Variants in STK3 observed in about 807,000 individuals in gnomAD.
The protein encoded by STK3 is serine/threonine-protein kinase 3.
A neutral mutation model predicts 58.0 loss-of-function variants in STK3; 41 were observed. That is an observed-to-expected ratio of 0.71 (90% CI 0.55 to 0.92). STK3 has a LOEUF of 0.92. Ranked by LOEUF, STK3 falls within the 40% of genes least tolerant of loss-of-function variation. The pLI is 0.00. For synonymous variants in STK3, 170 were observed against 191.0 expected (o/e 0.89, Z 0.91); for missense variants, 479 against 602.7 (o/e 0.79, Z 2.15).
chr8:98,905,627 T>A, intron 1 of STK3: 1 of 877,934 alleles, frequency 1.1e-6, no homozygotes, highest in Non-Finnish European at 1.9e-6. Context: ...GATCTCCTGC[T>A]CTGTGGCCTC....
chr8:98,695,924 G>A (rs1028663720), intron 6 of STK3, among the ~76,000 whole-genome samples: 2 of 152,026 alleles, frequency 1.3e-5, no homozygotes, highest in African/African-American at 4.8e-5. Context: ...GCTTGATGGG[G>A]ATGGCATTGA....
At chr8:98,887,105 A>T (rs1838019766) in intron 1 of STK3, among the ~76,000 whole-genome samples, 1 of 152,130 alleles carries the variant, frequency 6.6e-6, no homozygotes, top group South Asian at 2.1e-4. Context: ...TCAAAAAAAG[A>T]AAAAAAGAAA....
chr8:98,510,743 T>C (rs1040277972), intron 10 of STK3, among the ~76,000 whole-genome samples: 6 of 152,132 alleles, frequency 3.9e-5, no homozygotes, highest in Admixed American at 3.9e-4. Context: ...TGCTTCAATT[T>C]TGCAAGCATT....
At chr8:98,421,676 T>G (rs1315919129) in intron 3 of STK3, among the ~76,000 whole-genome samples, 1 of 152,024 alleles carries the variant, frequency 6.6e-6, no homozygotes, top group East Asian at 1.9e-4. Context: ...CTCAGGAGGC[T>G]GAGGTGGGAG....
At chr8:98,423,980 A>G (rs1199819516) in intron 3 of STK3, among the ~76,000 whole-genome samples, 6 of 152,178 alleles carry the variant, frequency 3.9e-5, no homozygotes, top group Non-Finnish European at 8.8e-5. Flanking sequence ...GCCAGCCCAG[A>G]GGCAGGCCTC....
At chr8:98,612,909 A>T (rs1817315200) in intron 6 of STK3, among the ~76,000 whole-genome samples, 1 of 152,204 alleles carries the variant, frequency 6.6e-6, no homozygotes, top group Non-Finnish European at 1.5e-5. Context: ...GTAAAAGGAC[A>T]GCCCCCCCTA....
intron 8 of STK3, among the ~76,000 whole-genome samples, chr8:98,551,483 A>C (rs1811165262): frequency 6.6e-6 from 1 of 152,164 alleles, no homozygotes; most frequent in Non-Finnish European, 1.5e-5. Context: ...AACAAAAACC[A>C]ACCCTGACAA....
At chr8:98,344,876 G>T in the STK3 span, among the ~76,000 whole-genome samples, 1 of 113,062 alleles carries the variant, frequency 8.8e-6, no homozygotes, top group South Asian at 3.3e-4. Context: ...CTGGGCGACA[G>T]AGCGAGACTC....
At chr8:98,817,352 G>A (rs975397682) in intron 1 of STK3, among the ~76,000 whole-genome samples, 1 of 151,852 alleles carries the variant, frequency 6.6e-6, no homozygotes, top group Admixed American at 6.6e-5. Flanking sequence ...GGCTTGGGAG[G>A]CTGAGGCAGG....
At chr8:98,637,088 T>A (rs1331025635) in intron 6 of STK3, among the ~76,000 whole-genome samples, 1 of 151,766 alleles carries the variant, frequency 6.6e-6, no homozygotes, top group Non-Finnish European at 1.5e-5. Context: ...AAAGCAGACT[T>A]CTTTCATAAT....
Position 98,800,183 on chromosome 8 carries a change from C to T in STK3, c.26+25332G>A, listed in dbSNP as rs1365455114. ...GTTTTGTTTCCTCTAGAATTGAGGC[C>T]ACCAAGCTACAGATGGTCTTACAAA... is the stretch of plus-strand genomic sequence containing the variant. On this transcript the variant is annotated intron_variant, in intron 1 of 10. Coordinates refer to ENST00000419617, the MANE Select transcript of STK3 (RefSeq NM_006281.4). The surrounding 1 kb of genome is among the most constrained non-coding windows in gnomAD (Gnocchi z 4.8). Among the ~76,000 whole-genome samples, 2 of 152,156 alleles carry T rather than the reference C, an allele frequency of 1.3e-5. No individual in the cohort carries two copies. The highest frequency in any genetic ancestry group is 2.9e-5 in the Non-Finnish European group (2 of 68,032).
chr8:98,700,659 A>C (rs1283151409), intron 6 of STK3, among the ~76,000 whole-genome samples: 1 of 152,230 alleles, frequency 6.6e-6, no homozygotes, highest in East Asian at 1.9e-4. Context: ...TACACTATTT[A>C]TTTACACATC....
chr8:98,416,692 C>T (rs147248898), intron 3 of STK3, among the ~76,000 whole-genome samples: 2 of 152,154 alleles, frequency 1.3e-5, no homozygotes, highest in Non-Finnish European at 2.9e-5. Flanking sequence ...AATTAAACTG[C>T]CCTAAATTAG....
At chr8:98,929,127 A>T (rs190244158) in intron 1 of STK3, among the ~76,000 whole-genome samples, 1 of 152,276 alleles carries the variant, frequency 6.6e-6, no homozygotes, top group African/African-American at 2.4e-5. Context: ...TTAGCCAGGC[A>T]TGGTGGCAGA....
At chr8:98,441,959 C>T (rs1003030895) in intron 1 of STK3, among the ~76,000 whole-genome samples, 5 of 152,198 alleles carry the variant, frequency 3.3e-5, no homozygotes, top group African/African-American at 1.2e-4. Context: ...CCTGCTCCTG[C>T]ATATCCCATA....
chr8:98,403,209 G>A (rs17310732), intron 3 of STK3, among the ~76,000 whole-genome samples: 17,398 of 152,224 alleles, frequency 0.11, 1,023 homozygotes, highest in Non-Finnish European at 0.12. Context: ...CAGGGTAGGC[G>A]TTTAGAAGTT....
rs1265828906 is a variant in STK3, at chr8:98,800,375, T to A, written c.26+25140A>T. Among the ~76,000 whole-genome samples the A allele has an allele frequency of 6.6e-6, 1 of 152,140 alleles. No homozygotes were observed. Among genetic ancestry groups the A allele is most frequent in the Non-Finnish European group, 1.5e-5 (1 of 68,018 alleles). ...GTAGTTAGAGCGGTCATCGGCCAAA[T>A]TCCCAACAGCAGTTGGGGTGTCCTG... On this transcript the variant is annotated intron_variant, in intron 1 of 10. Transcript: ENST00000419617. The surrounding 1 kb of genome is among the most constrained non-coding windows in gnomAD (Gnocchi z 4.8).
chr8:98,695,486 C>T (rs1047498229), intron 6 of STK3, among the ~76,000 whole-genome samples: 11 of 152,102 alleles, frequency 7.2e-5, no homozygotes, highest in African/African-American at 2.2e-4. Context: ...TTAGGTCTAA[C>T]GTTTAAGTCT....
intron 8 of STK3, among the ~76,000 whole-genome samples, chr8:98,558,963 AG>A (rs1563738630): frequency 6.6e-6 from 1 of 152,146 alleles, no homozygotes; most frequent in Non-Finnish European, 1.5e-5. Flanking sequence ...TTTAACATAC[AG>A]TTTACATCAC....
Sources: gnomAD v4.1 joint callset for allele counts (sites outside exome capture counted in the v4.1 genomes callset) on GRCh38, gnomAD v4.1.1 for gene constraint, Gnocchi (gnomAD v3.1) non-coding constraint, MANE v1.5 for transcripts, NCBI Gene and HGNC (gene_info 2026-07-23, HGNC 2026-07-21) for gene names.